Variants in TMPRSS2 observed in about 807,000 individuals in gnomAD.
TMPRSS2 encodes the protein transmembrane serine protease 2, also known as transmembrane protease serine 2.
In TMPRSS2, 59 loss-of-function variants were observed where a neutral mutation model predicts 67.4. That is an observed-to-expected ratio of 0.88 (90% CI 0.71 to 1.09). The LOEUF (loss-of-function observed/expected upper bound fraction) is 1.09, where lower values mean the gene tolerates loss of function less well. TMPRSS2 is among the 50% of genes least tolerant of loss of function. The probability of loss-of-function intolerance (pLI) is 0.00; values close to 1 mark genes in which losing one functional copy is unlikely to be tolerated. For missense variants in TMPRSS2, 668 were observed against 642.7 expected, an observed-to-expected ratio of 1.04 and a Z score of -0.43; for synonymous variants, 257 against 257.0, an observed-to-expected ratio of 1.00 and a Z score of 0.00.
At chr21:41,466,735 A>G (rs536311940) in intron 13 of TMPRSS2, among the ~76,000 whole-genome samples, 1 of 152,348 alleles carries the variant, frequency 6.6e-6, no homozygotes, top group African/African-American at 2.4e-5. Context: ...TCCTCCTTCA[A>G]CAGACTGGGC....
Position 41,473,492 on chromosome 21 carries a change from G to A in TMPRSS2, c.732C>T (p.Cys244=), listed in dbSNP as rs768756887. ...KAVVSLRCIA[C]GVNLNSSRQS... ...GGCGGCTTGAGTTCAAGTTGACCCC[G>A]CAGGCTGAGGATGACAAACAGGAGG... is the stretch of plus-strand genomic sequence containing the variant. The change falls in exon 9 of 14, where the codon TGC becomes TGT. Residue 244 remains cysteine, a synonymous_variant. Transcript: ENST00000332149. The A allele has an allele frequency of 1.9e-5, 30 of 1,605,850 alleles. No individual in the cohort carries two copies. Among genetic ancestry groups the A allele is most frequent in the East Asian group, 6.7e-5 (3 of 44,624 alleles).
intron 3 of TMPRSS2, among the ~76,000 whole-genome samples, chr21:41,489,943 T>C (rs2091323600): frequency 6.6e-6 from 1 of 151,198 alleles, no homozygotes; most frequent in Non-Finnish European, 1.5e-5. Flanking sequence ...AGGTCAAGAG[T>C]TCAAGACCAG....
At chr21:41,479,026 TG>T in intron 7 of TMPRSS2, 145 bp downstream of exon 7, 1 of 627,584 alleles carries the variant, frequency 1.6e-6, no homozygotes, top group Non-Finnish European at 2.8e-6. Flanking sequence ...TAACCAGGCC[TG>T]GTCAGACTCT....
intron 2 of TMPRSS2, among the ~76,000 whole-genome samples, chr21:41,497,426 TCAGC>T (rs2091391651): frequency 6.6e-6 from 1 of 152,158 alleles, no homozygotes; most frequent in Non-Finnish European, 1.5e-5. Flanking sequence ...GGCTGCAATC[TCAGC>T]CATCTAAGAA....
At chr21:41,472,098 A>C in intron 9 of TMPRSS2, 117 bp from the exon 10 acceptor site, 1 of 1,012,176 alleles carries the variant, frequency 9.9e-7, no homozygotes, top group Non-Finnish European at 1.4e-6. Context: ...GTTCACCAAA[A>C]ACCACACAGG....
At chr21:41,476,188 G>T (rs2298662) in intron 8 of TMPRSS2, among the ~76,000 whole-genome samples, 2 of 152,208 alleles carry the variant, frequency 1.3e-5, no homozygotes, top group Admixed American at 1.3e-4. Context: ...GTGGCCACAC[G>T]GTGGTGCTGG....
intron 3 of TMPRSS2, among the ~76,000 whole-genome samples, chr21:41,490,046 G>A (rs979466217): frequency 2.0e-5 from 3 of 151,688 alleles, no homozygotes; most frequent in Non-Finnish European, 2.9e-5. Context: ...TACTTGGGAG[G>A]CTGAGGCAGG....
intron 1 of TMPRSS2, among the ~76,000 whole-genome samples, chr21:41,506,919 A>C (rs1370536516): frequency 6.6e-6 from 1 of 152,162 alleles, no homozygotes; most frequent in South Asian, 2.1e-4. Context: ...ACAGGTTCGC[A>C]CGGAGGGAAG....
Position 41,479,163 on chromosome 21 carries a change from GCTGCATAC to G in TMPRSS2, c.683+1_683+8del. 1 of 1,605,216 alleles carries G rather than the reference GCTGCATAC, an allele frequency of 6.2e-7. No homozygotes were observed. The highest frequency in any genetic ancestry group is 8.5e-7 in the Non-Finnish European group (1 of 1,173,766). ...TTCCAAAATTTTTCAAGAAGAAATT[GCTGCATAC>G]CTGTGGTACAGTTTTTTATAGATAT... On this transcript the variant is annotated splice_donor_variant and splice_donor_5th_base_variant and intron_variant, in intron 7 of 13. Coordinates refer to ENST00000332149, the MANE Select transcript of TMPRSS2 (RefSeq NM_005656.4). LOFTEE classifies it high-confidence loss of function.
chr21:41,498,802 G>A (rs1223047004), intron 1 of TMPRSS2, among the ~76,000 whole-genome samples: 1 of 152,190 alleles, frequency 6.6e-6, no homozygotes, highest in Non-Finnish European at 1.5e-5. Context: ...TGGAAGTGTC[G>A]ATGTGTGAGT....
At chr21:41,488,318 C>T in intron 5 of TMPRSS2, 76 bp downstream of exon 5, 2 of 1,562,772 alleles carry the variant, frequency 1.3e-6, no homozygotes, top group Non-Finnish European at 1.7e-6. Flanking sequence ...GGCCCAGTCA[C>T]CCAAAGGCCC....
At chr21:41,476,988 C>T (rs1374780903) in intron 7 of TMPRSS2, among the ~76,000 whole-genome samples, 1 of 152,206 alleles carries the variant, frequency 6.6e-6, no homozygotes, top group Non-Finnish European at 1.5e-5. Context: ...TTGGAAACCT[C>T]TGGGCTCCTA....
chr21:41,479,762 T>A (rs1396187131), intron 6 of TMPRSS2, among the ~76,000 whole-genome samples: 6 of 152,074 alleles, frequency 3.9e-5, no homozygotes, highest in Non-Finnish European at 8.8e-5. Context: ...TACCCTAAAG[T>A]TGCATAGAAA....
At chr21:41,501,462 A>C (rs1191006878) in intron 1 of TMPRSS2, among the ~76,000 whole-genome samples, 1 of 152,122 alleles carries the variant, frequency 6.6e-6, no homozygotes, top group Admixed American at 6.5e-5. Context: ...TACAAAAATT[A>C]GCTGGGTATG....
chr21:41,475,544 AGGGGG>A (rs2091201595), intron 8 of TMPRSS2, among the ~76,000 whole-genome samples: 1 of 29,150 alleles, frequency 3.4e-5, no homozygotes, highest in Non-Finnish European at 6.5e-5. Flanking sequence ...AGGGTGAGTG[AGGGGG>A]TGAGGAGGTG....
At chr21:41,477,025 A>G (rs906804987) in intron 7 of TMPRSS2, among the ~76,000 whole-genome samples, 6 of 152,236 alleles carry the variant, frequency 3.9e-5, no homozygotes, top group Non-Finnish European at 7.3e-5. Flanking sequence ...GTAGTGTTGA[A>G]AGCAATATAA....
At chr21:41,482,150 G>A (rs751740490) in intron 5 of TMPRSS2, among the ~76,000 whole-genome samples, 11 of 151,996 alleles carry the variant, frequency 7.2e-5, no homozygotes, top group Non-Finnish European at 1.5e-4. Flanking sequence ...TTGTCCAGGA[G>A]ACTCTAAATC....
intron 9 of TMPRSS2, among the ~76,000 whole-genome samples, chr21:41,472,571 C>A (rs79065748): frequency 0.011 from 1,678 of 152,196 alleles, 26 homozygotes; most frequent in African/African-American, 0.036. Context: ...GAAGGGAGCA[C>A]CCTTGGGTAA....
chr21:41,482,271 C>T (rs1203538810), intron 5 of TMPRSS2, among the ~76,000 whole-genome samples: 1 of 152,130 alleles, frequency 6.6e-6, no homozygotes, highest in Non-Finnish European at 1.5e-5. Flanking sequence ...CTAGAGGTAA[C>T]CACCATCCAG....
Sources: gnomAD v4.1 joint callset for allele counts (sites outside exome capture counted in the v4.1 genomes callset) on GRCh38, gnomAD v4.1.1 for gene constraint, MANE v1.5 for transcripts, NCBI Gene and HGNC (gene_info 2026-07-23, HGNC 2026-07-21) for gene names.